SASH1: variants seen among roughly 807,000 people sequenced by gnomAD.
SASH1 encodes the protein SAM and SH3 domain containing 1, also known as SAM and SH3 domain-containing protein 1.
Under a neutral mutation model 125.2 loss-of-function variants are expected in SASH1, and 44 were observed. The observed-to-expected ratio is 0.35, with a 90% CI of 0.28 to 0.45. The LOEUF (loss-of-function observed/expected upper bound fraction) is 0.45, where lower values mean the gene tolerates loss of function less well. Among genes scored for constraint, SASH1 ranks in the 20% least tolerant of loss-of-function variants. The pLI, the probability that SASH1 is intolerant of heterozygous loss-of-function variation, is 1.00. For missense variants in SASH1, 1,426 were observed against 1,614.5 expected (o/e 0.88, Z 2.00); for synonymous variants, 639 against 649.1 (o/e 0.98, Z 0.24).
At chr6:148,534,682 A>AGTT (rs1781733712) in intron 15 of SASH1, 69 bp from the exon 16 acceptor site, 2 of 1,459,322 alleles carry the variant, frequency 1.4e-6, no homozygotes, top group Admixed American at 1.7e-5. Flanking sequence ...GTTGCAGGCT[A>AGTT]GTTGTTGGCG....
chr6:148,444,285 G>A (rs1776685048), intron 4 of SASH1, among the ~76,000 whole-genome samples: 2 of 152,168 alleles, frequency 1.3e-5, no homozygotes. Flanking sequence ...CATCACTTCT[G>A]TCAGTAGTAT....
chr6:148,387,339 C>T (rs955940638), intron 1 of SASH1, among the ~76,000 whole-genome samples: 10 of 151,700 alleles, frequency 6.6e-5, no homozygotes, highest in Non-Finnish European at 1.0e-4. Flanking sequence ...AGGCTGGTCT[C>T]GAACTGCTGA....
the SASH1 span, among the ~76,000 whole-genome samples, chr6:148,244,315 T>C: frequency 0.8 from 122,155 of 152,010 alleles, 49,405 homozygotes; most frequent in African/African-American, 0.87. Flanking sequence ...CGTATATTCC[T>C]TGCATGTTTA....
the SASH1 span, among the ~76,000 whole-genome samples, chr6:148,240,971 AT>A: frequency 2.0e-5 from 3 of 152,068 alleles, no homozygotes; most frequent in Admixed American, 1.3e-4. Context: ...CATAGTCACC[AT>A]TTTTTTAAAG....
In SASH1 at chr6:148,531,680, T is replaced by C; in HGVS notation, c.1564+19T>C. The C allele has an allele frequency of 6.7e-7, 1 of 1,485,156 alleles. No individual in the cohort carries two copies. Among genetic ancestry groups the C allele is most frequent in the Non-Finnish European group, 9.0e-7 (1 of 1,114,734 alleles). 92.0% of individuals were successfully genotyped at this position (1,485,156 alleles called of 1,614,324 possible). Reference sequence around the variant, plus strand: ...TCCATGAGTAAGTCGAGTTTGTCATTGTAGATTATTTTCTTTGGAGTTAAT... The same window carrying C: ...TCCATGAGTAAGTCGAGTTTGTCATCGTAGATTATTTTCTTTGGAGTTAAT... On this transcript the variant is annotated intron_variant, in intron 13 of 19. Transcript: ENST00000367467.
rs141751879 is a variant in SASH1, at chr6:148,529,967, C to T, written c.1429-1559C>T. ...GACTACAGGCACGTGCCACCATACC[C>T]GGCTAATTATTGTATTTTTAGTAGA... is the stretch of plus-strand genomic sequence containing the variant. On this transcript the variant is annotated intron_variant, in intron 12 of 19. Coordinates refer to ENST00000367467, the MANE Select transcript of SASH1 (RefSeq NM_015278.5). This position sits in a 1 kb window ranked among gnomAD's most constrained non-coding sequence, Gnocchi z 4.2. 1.9e-4 allele frequency among the ~76,000 whole-genome samples: 29 copies of T among 152,102 alleles called. No individual in the cohort carries two copies. The East Asian group carries it at 3.9e-3, about 20-fold the overall frequency.
At chr6:148,304,281 A>T (rs1363472713) in intron 1 of SASH1, among the ~76,000 whole-genome samples, 1 of 152,150 alleles carries the variant, frequency 6.6e-6, no homozygotes, top group Non-Finnish European at 1.5e-5. Context: ...TACTAAAAAA[A>T]TACAAAAAAT....
chr6:148,208,460 G>A, the SASH1 span, among the ~76,000 whole-genome samples: 1 of 152,168 alleles, frequency 6.6e-6, no homozygotes, highest in South Asian at 2.1e-4. Context: ...AGGGGACAGG[G>A]TCCTTAACAG....
chr6:148,326,073 G>A (rs1780786430), intron 1 of SASH1, among the ~76,000 whole-genome samples: 1 of 149,660 alleles, frequency 6.7e-6, no homozygotes, highest in Non-Finnish European at 1.5e-5. Flanking sequence ...TGTCACCCAG[G>A]CTGGAGTGTA....
At chr6:148,439,493 T>C (rs1776451708) in intron 2 of SASH1, among the ~76,000 whole-genome samples, 1 of 152,114 alleles carries the variant, frequency 6.6e-6, no homozygotes, top group Admixed American at 6.6e-5. Flanking sequence ...TAAAATTGGA[T>C]TGGGGCTGGG....
At chr6:148,360,638 C>CCCCCA (rs1554242922) in intron 1 of SASH1, among the ~76,000 whole-genome samples, 2 of 67,968 alleles carry the variant, frequency 2.9e-5, no homozygotes, top group East Asian at 6.9e-4. Context: ...CGTGAGCCAC[C>CCCCCA]CCCCCGCCAG....
the SASH1 span, among the ~76,000 whole-genome samples, chr6:148,249,353 T>TGCGCACAAACACATGCG: frequency 6.6e-6 from 1 of 151,984 alleles, no homozygotes; most frequent in Non-Finnish European, 1.5e-5. Flanking sequence ...TGTGCATGCA[T>TGCGCACAAACACATGCG]CACACACACA....
At chr6:148,421,146 G>GAAGGAAGAGAGA (rs1554254949) in intron 2 of SASH1, among the ~76,000 whole-genome samples, 2 of 71,192 alleles carry the variant, frequency 2.8e-5, no homozygotes, top group Admixed American at 2.9e-4. Context: ...AGGAAGGAAG[G>GAAGGAAGAGAGA]AAGAAAGAAA....
chr6:148,490,483 C>T (rs528401341), intron 8 of SASH1, among the ~76,000 whole-genome samples: 24 of 152,324 alleles, frequency 1.6e-4, no homozygotes, highest in African/African-American at 5.3e-4. Flanking sequence ...GCTGAGATTA[C>T]AGGCATGAGC....
intron 9 of SASH1, among the ~76,000 whole-genome samples, chr6:148,517,622 G>A (rs769590848): frequency 5.1e-4 from 77 of 152,178 alleles, no homozygotes; most frequent in Non-Finnish European, 8.5e-4. Flanking sequence ...CCTCAGCACC[G>A]GCAGATGCAG....
chr6:148,363,969 C>A (rs1259047111), intron 1 of SASH1, among the ~76,000 whole-genome samples: 2 of 151,918 alleles, frequency 1.3e-5, no homozygotes, highest in East Asian at 1.9e-4. Context: ...AGTTCTGATC[C>A]CTGAATAAAT....
chr6:148,451,437 C>T (rs559017047), intron 4 of SASH1, among the ~76,000 whole-genome samples: 1 of 152,274 alleles, frequency 6.6e-6, no homozygotes, highest in South Asian at 2.1e-4. Context: ...CTAAGGGTTG[C>T]CCCCCTTTTC....
intron 2 of SASH1, among the ~76,000 whole-genome samples, chr6:148,422,355 T>C (rs1775598621): frequency 1.3e-5 from 2 of 152,224 alleles, no homozygotes; most frequent in South Asian, 4.1e-4. Flanking sequence ...GTGAATTTAA[T>C]TGGTTTCCAG....
intron 4 of SASH1, among the ~76,000 whole-genome samples, chr6:148,455,772 A>T (rs752193620): frequency 5.3e-5 from 8 of 152,214 alleles, no homozygotes; most frequent in Non-Finnish European, 1.0e-4. Flanking sequence ...ACGCAGATTC[A>T]GGGCTGCCGC....
Sources: gnomAD v4.1 joint callset for allele counts (sites outside exome capture counted in the v4.1 genomes callset) on GRCh38, gnomAD v4.1.1 for gene constraint, Gnocchi (gnomAD v3.1) non-coding constraint, MANE v1.5 for transcripts, NCBI Gene and HGNC (gene_info 2026-07-23, HGNC 2026-07-21) for gene names.